Variants in TYW1B observed in about 807,000 individuals in gnomAD.
The protein encoded by TYW1B is S-adenosyl-L-methionine-dependent tRNA 4-demethylwyosine synthase TYW1B.
In TYW1B, 73 loss-of-function variants were observed where a neutral mutation model predicts 86.9. That is an observed-to-expected ratio of 0.84 (90% CI 0.70 to 1.02). The LOEUF is 1.02. Ranked by LOEUF, TYW1B falls within the 50% of genes least tolerant of loss-of-function variation. The pLI, the probability that TYW1B is intolerant of heterozygous loss-of-function variation, is 0.00. For synonymous variants in TYW1B, 248 were observed against 292.8 expected (o/e 0.85, Z 1.56); for missense variants, 637 against 827.4 (o/e 0.77, Z 2.82).
At chr7:72,668,286 C>T (rs114837242) in intron 11 of TYW1B, among the ~76,000 whole-genome samples, 2,868 of 152,206 alleles carry the variant, frequency 0.019, 66 homozygotes, top group African/African-American at 0.058. Flanking sequence ...TTTGTTCAAC[C>T]GTTTTTAAGT....
At chr7:72,704,367 G>T (rs182053276) in intron 10 of TYW1B, among the ~76,000 whole-genome samples, 1 of 151,072 alleles carries the variant, frequency 6.6e-6, no homozygotes, top group African/African-American at 2.4e-5. Context: ...CTGGGAGGTG[G>T]AGGTTGTAGT....
chr7:72,646,464 C>G (rs1186834160), intron 11 of TYW1B, among the ~76,000 whole-genome samples: 12 of 152,168 alleles, frequency 7.9e-5, no homozygotes, highest in Admixed American at 6.6e-4. Context: ...CTTCACCTCC[C>G]TGGCTCAAGT....
At chr7:72,650,180 C>G (rs1304426410) in intron 11 of TYW1B, among the ~76,000 whole-genome samples, 1 of 151,416 alleles carries the variant, frequency 6.6e-6, no homozygotes, top group Non-Finnish European at 1.5e-5. Context: ...TCCCAAAGTG[C>G]TGGGATTACA....
At chr7:72,633,528 T>C (rs1299887529) in intron 11 of TYW1B, among the ~76,000 whole-genome samples, 1 of 152,218 alleles carries the variant, frequency 6.6e-6, no homozygotes, top group African/African-American at 2.4e-5. Flanking sequence ...CCAGGGATTA[T>C]CACAAAATGC....
intron 12 of TYW1B, among the ~76,000 whole-genome samples, chr7:72,627,692 G>A (rs1554439118): frequency 6.6e-6 from 1 of 152,002 alleles, no homozygotes; most frequent in Non-Finnish European, 1.5e-5. Context: ...TGTGACTCCT[G>A]ATTGGAGTAT....
intron 13 of TYW1B, among the ~76,000 whole-genome samples, chr7:72,603,197 C>G (rs1286262624): frequency 1.4e-5 from 2 of 142,956 alleles, no homozygotes; most frequent in Non-Finnish European, 3.0e-5. Flanking sequence ...GATGAACAGA[C>G]AGACAGAGAT....
chr7:72,690,485 T>C (rs538030431), intron 11 of TYW1B, among the ~76,000 whole-genome samples: 1 of 152,356 alleles, frequency 6.6e-6, no homozygotes, highest in East Asian at 1.9e-4. Context: ...ATGTAAACAC[T>C]GTACTTGCCA....
At chr7:72,616,031 T>G (rs1433610890) in intron 13 of TYW1B, among the ~76,000 whole-genome samples, 4 of 152,146 alleles carry the variant, frequency 2.6e-5, no homozygotes, top group African/African-American at 9.6e-5. Context: ...TGAGAAAGAA[T>G]AAGTATTTAA....
At chr7:72,766,178 A>AT (rs1257184773) in intron 7 of TYW1B, among the ~76,000 whole-genome samples, 1 of 152,262 alleles carries the variant, frequency 6.6e-6, no homozygotes, top group African/African-American at 2.4e-5. Context: ...AAAACAGCTC[A>AT]TAACGTTACA....
intron 6 of TYW1B, among the ~76,000 whole-genome samples, chr7:72,798,398 A>G (rs1410041910): frequency 6.6e-6 from 1 of 152,168 alleles, no homozygotes; most frequent in Non-Finnish European, 1.5e-5. Context: ...CTCAAAAAAA[A>G]AAAATAAGTC....
intron 11 of TYW1B, among the ~76,000 whole-genome samples, chr7:72,648,798 C>T (rs782077083): frequency 2.0e-5 from 3 of 151,976 alleles, no homozygotes; most frequent in Non-Finnish European, 2.9e-5. Context: ...AAGGAGTAAG[C>T]GGAGGGTGAA....
chr7:72,669,858 GCCAAGGTAGGAAAAC>G (rs1173524817), intron 11 of TYW1B, among the ~76,000 whole-genome samples: 2 of 152,010 alleles, frequency 1.3e-5, no homozygotes, highest in African/African-American at 4.8e-5. Context: ...GCCTTGGGAG[GCCAAGGTAGGAAAAC>G]CACTTGAGGC....
At chr7:72,693,143 G>A (rs1191675605) in intron 11 of TYW1B, among the ~76,000 whole-genome samples, 1 of 152,000 alleles carries the variant, frequency 6.6e-6, no homozygotes, top group East Asian at 1.9e-4. Context: ...TGTCAAGAAG[G>A]CACAAAGAAC....
At chr7:72,631,513 CAAAT>C (rs782244804) in intron 11 of TYW1B, among the ~76,000 whole-genome samples, 1 of 151,754 alleles carries the variant, frequency 6.6e-6, no homozygotes, top group Admixed American at 6.6e-5. Flanking sequence ...GACTCTGTCT[CAAAT>C]AAATAAATAA....
At chr7:72,773,970 C>T (rs1338595674) in intron 7 of TYW1B, among the ~76,000 whole-genome samples, 2 of 149,050 alleles carry the variant, frequency 1.3e-5, no homozygotes, top group Admixed American at 1.4e-4. Flanking sequence ...GAGGCTGAGG[C>T]AGGAGAATCA....
At chr7:72,676,675 T>A (rs1420429518) in intron 11 of TYW1B, among the ~76,000 whole-genome samples, 3 of 152,010 alleles carry the variant, frequency 2.0e-5, no homozygotes, top group African/African-American at 7.2e-5. Context: ...AAAAAAAACT[T>A]TTGGCTGGAC....
chr7:72,606,614 C>CA (rs1333893226), intron 13 of TYW1B, among the ~76,000 whole-genome samples: 16 of 61,860 alleles, frequency 2.6e-4, no homozygotes, highest in Non-Finnish European at 6.8e-4. Context: ...AAGGCCCCCC[C>CA]CCCGCCTCCA....
At chr7:72,772,761 G>C (rs566178413) in intron 7 of TYW1B, among the ~76,000 whole-genome samples, 1 of 152,226 alleles carries the variant, frequency 6.6e-6, no homozygotes, top group Non-Finnish European at 1.5e-5. Flanking sequence ...ACTCTTGCAG[G>C]CAAATAAGGC....
intron 11 of TYW1B, among the ~76,000 whole-genome samples, chr7:72,645,111 G>T (rs1297128588): frequency 6.6e-6 from 1 of 152,208 alleles, no homozygotes; most frequent in Non-Finnish European, 1.5e-5. Flanking sequence ...ACAGGCGTGA[G>T]CCGCCGCGCC....
Sources: gnomAD v4.1 joint callset for allele counts (sites outside exome capture counted in the v4.1 genomes callset) on GRCh38, gnomAD v4.1.1 for gene constraint, MANE v1.5 for transcripts, NCBI Gene and HGNC (gene_info 2026-07-23, HGNC 2026-07-21) for gene names.